CDH13: variants seen among roughly 807,000 people sequenced by gnomAD.
CDH13 encodes cadherin 13, also known as cadherin-13.
A neutral mutation model predicts 63.8 loss-of-function variants in CDH13; 24 were observed. The observed-to-expected ratio is 0.38, with a 90% CI of 0.27 to 0.53. The LOEUF (loss-of-function observed/expected upper bound fraction) is 0.53. CDH13 is among the 20% of genes least tolerant of loss of function. The pLI, the probability that CDH13 is intolerant of heterozygous loss-of-function variation, is 0.85. For missense variants in CDH13, 1,049 were observed against 903.1 expected, an observed-to-expected ratio of 1.16 and a Z score of -2.07; for synonymous variants, 503 against 355.3, an observed-to-expected ratio of 1.42 and a Z score of -4.67.
intron 1 of CDH13, among the ~76,000 whole-genome samples, chr16:82,738,175 T>G (rs1185288121): frequency 6.6e-6 from 1 of 152,224 alleles, no homozygotes; most frequent in Non-Finnish European, 1.5e-5. Flanking sequence ...TCAAAGAGTT[T>G]CTTGCAAGAA....
intron 6 of CDH13, among the ~76,000 whole-genome samples, chr16:83,355,417 G>T (rs2091033156): frequency 6.6e-6 from 1 of 152,160 alleles, no homozygotes; most frequent in Non-Finnish European, 1.5e-5. Flanking sequence ...ACACAGTTAA[G>T]ACCAGGAGAA....
intron 8 of CDH13, among the ~76,000 whole-genome samples, chr16:83,626,449 C>A (rs1299196561): frequency 6.6e-6 from 1 of 152,108 alleles, no homozygotes; most frequent in African/African-American, 2.4e-5. Flanking sequence ...TAATGAAGCA[C>A]GTGCTATGAG....
chr16:82,844,424 A>T (rs924952992), intron 1 of CDH13: 2 of 151,682 alleles, frequency 1.3e-5, no homozygotes, highest in African/African-American at 4.8e-5. Context: ...ACATGGTTAA[A>T]CCGCCTCTCT....
At chr16:83,254,290 A>G (rs905504482) in intron 5 of CDH13, among the ~76,000 whole-genome samples, 1 of 152,214 alleles carries the variant, frequency 6.6e-6, no homozygotes, top group African/African-American at 2.4e-5. Flanking sequence ...GCTTAGCATC[A>G]TGATCGTTCC....
intron 5 of CDH13, among the ~76,000 whole-genome samples, chr16:83,230,854 A>G (rs1040982816): frequency 6.6e-6 from 1 of 152,246 alleles, no homozygotes; most frequent in African/African-American, 2.4e-5. Context: ...TGTGGATGAC[A>G]TAATTTTGGG....
At chr16:82,969,558 C>G (rs1041369670) in intron 2 of CDH13, among the ~76,000 whole-genome samples, 2 of 143,894 alleles carry the variant, frequency 1.4e-5, no homozygotes, top group African/African-American at 5.2e-5. Flanking sequence ...CCCATAGTTT[C>G]TCAACCTGGG....
At chr16:82,828,021 C>A (rs2038337501) in intron 1 of CDH13, among the ~76,000 whole-genome samples, 2 of 152,116 alleles carry the variant, frequency 1.3e-5, no homozygotes, top group Non-Finnish European at 2.9e-5. Context: ...CCTCTCAGTT[C>A]TAGACAAACA....
chr16:83,000,914 C>G (rs563688306), intron 2 of CDH13, among the ~76,000 whole-genome samples: 1 of 152,316 alleles, frequency 6.6e-6, no homozygotes, highest in African/African-American at 2.4e-5. Context: ...ACTTGAGGGA[C>G]AGCTTACTCA....
rs2042041269 is a variant in CDH13, at chr16:82,917,932, AGG to A, written c.157+59460_157+59461del. Among the ~76,000 whole-genome samples, 11 of 79,288 alleles carry A rather than the reference AGG, an allele frequency of 1.4e-4. 1 individual carries two copies. The highest frequency in any genetic ancestry group is 3.2e-4 in the African/African-American group (10 of 31,562). The allele number at this position is 79,288 out of a possible 152,430, so 52.0% of individuals were successfully genotyped here. Reference sequence around the variant, plus strand: ...TCCATGTCAAAAAAAAAAAAAAAAAAGGCATGTAAAGTAAATGGATGCACATG... The same window carrying A: ...TCCATGTCAAAAAAAAAAAAAAAAAACATGTAAAGTAAATGGATGCACATG... On this transcript the variant is annotated intron_variant, in intron 2 of 13. Transcript: ENST00000567109.
chr16:82,879,489 TAATTA>T (rs1213515111), intron 2 of CDH13, among the ~76,000 whole-genome samples: 1 of 144,862 alleles, frequency 6.9e-6, no homozygotes, highest in Non-Finnish European at 1.5e-5. Context: ...ATATATAATT[TAATTA>T]AATATATTTA....
At chr16:82,666,551 C>T (rs1301746948) in intron 1 of CDH13, among the ~76,000 whole-genome samples, 1 of 152,214 alleles carries the variant, frequency 6.6e-6, no homozygotes, top group East Asian at 1.9e-4. Context: ...ACTTTGAAGC[C>T]AGACTCACTT....
chr16:82,645,655 G>C (rs1427090398), intron 1 of CDH13, among the ~76,000 whole-genome samples: 1 of 152,128 alleles, frequency 6.6e-6, no homozygotes, highest in African/African-American at 2.4e-5. Context: ...GCACACACAG[G>C]GATTTTTATC....
intron 1 of CDH13, among the ~76,000 whole-genome samples, chr16:82,774,265 C>T (rs1335876025): frequency 6.6e-6 from 1 of 151,748 alleles, no homozygotes; most frequent in Non-Finnish European, 1.5e-5. Flanking sequence ...GCTCTGGTGT[C>T]ATACTGCCTG....
At chr16:83,495,891 A>G (rs2074130092) in intron 7 of CDH13, among the ~76,000 whole-genome samples, 1 of 152,162 alleles carries the variant, frequency 6.6e-6, no homozygotes, top group Non-Finnish European at 1.5e-5. Context: ...CCAAATCATG[A>G]GTGAACTCCC....
intron 6 of CDH13, among the ~76,000 whole-genome samples, chr16:83,356,212 A>ATGTG (rs10525181): frequency 0.011 from 1,542 of 138,600 alleles, 32 homozygotes; most frequent in East Asian, 0.088. Flanking sequence ...ATTTATTTTC[A>ATGTG]TGTGTGTGTG....
chr16:83,238,182 C>T lies in CDH13; in HGVS notation c.636+20685C>T, dbSNP rs576417742. Among the ~76,000 whole-genome samples, 4 of 151,694 alleles carry T rather than the reference C, an allele frequency of 2.6e-5. No individual in the cohort carries two copies. The East Asian group carries it at 7.8e-4, about 30-fold the overall frequency. ...CTGAGATGGTGTATTAGTCCATTTT[C>T]ATACTGCTATGAAGAAATACCTGAG... On this transcript the variant is annotated intron_variant, in intron 5 of 13. Transcript: ENST00000567109.
intron 2 of CDH13, among the ~76,000 whole-genome samples, chr16:82,907,853 C>T (rs537089924): frequency 6.6e-6 from 1 of 152,136 alleles, no homozygotes; most frequent in African/African-American, 2.4e-5. Context: ...TATGTTCCCC[C>T]CAAAGTAGAG....
At chr16:82,673,826 T>C (rs1292014827) in intron 1 of CDH13, among the ~76,000 whole-genome samples, 1 of 152,162 alleles carries the variant, frequency 6.6e-6, no homozygotes, top group East Asian at 1.9e-4. Flanking sequence ...CATGTGGAAG[T>C]GTTAGCAACA....
In CDH13 at chr16:83,080,164, C is replaced by T. The variant is rs528883519; in HGVS notation, c.367-45221C>T. On this transcript the variant is annotated intron_variant, in intron 3 of 13. Transcript: ENST00000567109. ...ACAAGTGATGTGATGATAAAGTGTTCTTTCTCTCTCGGTTCATCCATGGTG... is the reference window on the plus strand; with the variant it reads ...ACAAGTGATGTGATGATAAAGTGTTTTTTCTCTCTCGGTTCATCCATGGTG... Among the ~76,000 whole-genome samples, 5 of 152,196 alleles carry T rather than the reference C, an allele frequency of 3.3e-5. No homozygotes were observed. In the East Asian group the frequency reaches 9.7e-4, roughly 29 times the overall value.
Sources: allele counts gnomAD v4.1 joint callset (sites outside exome capture counted in the v4.1 genomes callset), GRCh38; gene constraint gnomAD v4.1.1; transcripts MANE v1.5; gene names NCBI Gene and HGNC (gene_info 2026-07-23, HGNC 2026-07-21).